Variants in MYO16 observed in about 807,000 individuals in gnomAD.
MYO16 encodes myosin XVI.
A neutral mutation model predicts 205.3 loss-of-function variants in MYO16; 94 were observed. The observed-to-expected ratio is 0.46, with a 90% CI of 0.39 to 0.54. MYO16 has a LOEUF of 0.54. Ranked by LOEUF, MYO16 falls within the 20% of genes least tolerant of loss-of-function variation. MYO16 has a pLI of 0.00. For missense variants in MYO16, 2,315 were observed against 2,387.5 expected (o/e 0.97, Z 0.63); for synonymous variants, 988 against 954.0 (o/e 1.04, Z -0.66).
the MYO16 span, among the ~76,000 whole-genome samples, chr13:108,559,876 A>G: frequency 6.6e-6 from 1 of 152,110 alleles, no homozygotes; most frequent in African/African-American, 2.4e-5. Context: ...TAAATTTTCC[A>G]TACCTAGAAA....
chr13:108,740,204 G>C (rs1276447180), intron 4 of MYO16, among the ~76,000 whole-genome samples: 1 of 144,484 alleles, frequency 6.9e-6, no homozygotes, highest in Non-Finnish European at 1.5e-5. Context: ...TGGAGGGGGA[G>C]AGGTGCTCTG....
chr13:108,639,493 C>T (rs1880406033), intron 1 of MYO16, among the ~76,000 whole-genome samples: 1 of 152,154 alleles, frequency 6.6e-6, no homozygotes, highest in Admixed American at 6.5e-5. Flanking sequence ...ATCTTATCAG[C>T]ACTTCAAACC....
intron 11 of MYO16, among the ~76,000 whole-genome samples, chr13:108,863,079 T>A (rs906092998): frequency 6.6e-6 from 1 of 152,194 alleles, no homozygotes; most frequent in African/African-American, 2.4e-5. Flanking sequence ...TCAAACTTGC[T>A]AAAGTTATAT....
intron 27 of MYO16, among the ~76,000 whole-genome samples, chr13:109,094,656 C>T (rs1208075931): frequency 3.3e-5 from 5 of 152,186 alleles, no homozygotes; most frequent in African/African-American, 1.2e-4. Context: ...GGTATTTCTT[C>T]TAATGCTATC....
intron 3 of MYO16, among the ~76,000 whole-genome samples, chr13:108,719,590 T>C (rs1038838703): frequency 6.6e-6 from 1 of 152,150 alleles, no homozygotes; most frequent in African/African-American, 2.4e-5. Context: ...AGCACAGCAC[T>C]GGGGGCATAG....
chr13:109,122,848 C>T (rs1369710947), intron 29 of MYO16, among the ~76,000 whole-genome samples: 1 of 151,994 alleles, frequency 6.6e-6, no homozygotes, highest in Non-Finnish European at 1.5e-5. Context: ...TAAAACAGTT[C>T]CCTCAATGCT....
At chr13:108,952,325 G>T (rs182430924) in intron 16 of MYO16, among the ~76,000 whole-genome samples, 1 of 152,092 alleles carries the variant, frequency 6.6e-6, no homozygotes, top group East Asian at 1.9e-4. Flanking sequence ...CGTCCCATCC[G>T]CCTTGCAGGA....
chr13:108,534,829 CTCT>C, the MYO16 span, among the ~76,000 whole-genome samples: 391 of 148,784 alleles, frequency 2.6e-3, 3 homozygotes, highest in African/African-American at 8.9e-3. Context: ...CCTCTTCTTC[CTCT>C]TCTTCTTCTC....
chr13:108,933,786 C>T (rs897794454), intron 16 of MYO16, among the ~76,000 whole-genome samples: 3 of 152,056 alleles, frequency 2.0e-5, no homozygotes, highest in African/African-American at 7.2e-5. Context: ...CTAGTGTCTA[C>T]CATTGCCATT....
At chr13:108,711,969 A>G (rs9520974) in intron 2 of MYO16, among the ~76,000 whole-genome samples, 69,068 of 152,110 alleles carry the variant, frequency 0.45, 17,017 homozygotes, top group Non-Finnish European at 0.57. Context: ...GGCTTGTCTT[A>G]TAGCTTCATT....
chr13:108,723,146 A>C (rs1006221041), intron 3 of MYO16, among the ~76,000 whole-genome samples: 15 of 139,358 alleles, frequency 1.1e-4, no homozygotes, highest in Non-Finnish European at 2.1e-4. Flanking sequence ...TAATTTGAAC[A>C]CCCATTTTTT....
intron 4 of MYO16, among the ~76,000 whole-genome samples, chr13:108,780,993 G>C (rs1454277656): frequency 6.6e-6 from 1 of 152,214 alleles, no homozygotes; most frequent in Non-Finnish European, 1.5e-5. Flanking sequence ...AAAAGAGCCT[G>C]ATGACTTCTT....
upstream of MYO16, among the ~76,000 whole-genome samples, chr13:108,595,130 T>C (rs1878509754): frequency 6.6e-6 from 1 of 152,188 alleles, no homozygotes; most frequent in Non-Finnish European, 1.5e-5. Flanking sequence ...AATCTTGACT[T>C]CTGTGGTGAG....
chr13:108,729,472 G>A lies in MYO16; in HGVS notation c.507+1889G>A, dbSNP rs1032012216. ...AAAGAATGAGATAGGCTTGATTCAT[G>A]GCTTTTGCAGTTTTTCTATGTTCTG... On this transcript the variant is annotated intron_variant, in intron 4 of 34. Coordinates refer to ENST00000457511, the MANE Select transcript of MYO16 (RefSeq NM_001198950.3). Among the ~76,000 whole-genome samples the A allele has an allele frequency of 9.2e-5, 14 of 152,096 alleles. 1 individual carries two copies. In the South Asian group the frequency reaches 2.9e-3, roughly 32 times the overall value.
At chr13:109,087,948 G>C (rs1239993815) in intron 27 of MYO16, among the ~76,000 whole-genome samples, 1 of 152,146 alleles carries the variant, frequency 6.6e-6, no homozygotes, top group Non-Finnish European at 1.5e-5. Flanking sequence ...GAAACAAGCT[G>C]TTCTTGTACC....
At chr13:109,001,181 TAAAAA>T (rs111881859) in intron 21 of MYO16, among the ~76,000 whole-genome samples, 2 of 137,224 alleles carry the variant, frequency 1.5e-5, no homozygotes, top group African/African-American at 5.4e-5. Context: ...ATAAAAAATT[TAAAAA>T]AAAAAAAAGA....
intron 27 of MYO16, chr13:109,065,526 GA>G (rs78280400): frequency 0.059 from 19,947 of 338,236 alleles, 32 homozygotes; most frequent in South Asian, 0.081. Context: ...AGGCCATGCT[GA>G]AAAAAAAAAA....
chr13:108,549,725 A>T, the MYO16 span, among the ~76,000 whole-genome samples: 1 of 152,100 alleles, frequency 6.6e-6, no homozygotes, highest in Non-Finnish European at 1.5e-5. Context: ...ATTTGAGATG[A>T]ACAACTTTCA....
chr13:108,830,420 C>CTG (rs1876543205), intron 9 of MYO16, among the ~76,000 whole-genome samples: 2 of 151,406 alleles, frequency 1.3e-5, no homozygotes, highest in East Asian at 3.9e-4. Context: ...CGATGGAATA[C>CTG]TGTGCAGCCA....
Sources: gnomAD v4.1 joint callset for allele counts (sites outside exome capture counted in the v4.1 genomes callset) on GRCh38, gnomAD v4.1.1 for gene constraint, MANE v1.5 for transcripts, NCBI Gene and HGNC (gene_info 2026-07-23, HGNC 2026-07-21) for gene names.